The following NDST4 variants were observed in gnomAD, a reference collection of about 807,000 sequenced individuals.
The protein encoded by NDST4 is N-deacetylase and N-sulfotransferase 4, also known as N-heparan sulfate sulfotransferase 4.
Under a neutral mutation model 100.8 loss-of-function variants are expected in NDST4, and 63 were observed. The ratio of observed to expected loss-of-function variants is 0.62; its 90% CI spans 0.51 to 0.77. The LOEUF is 0.77. Ranked by LOEUF, NDST4 falls within the 30% of genes least tolerant of loss-of-function variation. NDST4 has a pLI of 0.00. For synonymous variants in NDST4, 377 were observed against 361.8 expected, an observed-to-expected ratio of 1.04 and a Z score of -0.48; for missense variants, 943 against 1,018.4, an observed-to-expected ratio of 0.93 and a Z score of 1.01.
intron 2 of NDST4, among the ~76,000 whole-genome samples, chr4:115,058,503 G>C (rs539043993): frequency 6.6e-6 from 1 of 152,240 alleles, no homozygotes; most frequent in East Asian, 1.9e-4. Flanking sequence ...TCCATGTGCT[G>C]TTTTCCAATA....
chr4:114,870,682 G>T, intron 7 of NDST4, 86 bp downstream of exon 7: 1 of 1,148,250 alleles, frequency 8.7e-7, no homozygotes, highest in Non-Finnish European at 1.2e-6. Flanking sequence ...GTTTTAATAT[G>T]TCCAGCAGAG....
intron 4 of NDST4, among the ~76,000 whole-genome samples, chr4:114,950,012 A>G (rs1725954792): frequency 6.6e-6 from 1 of 152,070 alleles, no homozygotes. Flanking sequence ...TAGGAGAGCA[A>G]TAAATTATGA....
chr4:114,859,789 G>A (rs1723878847), intron 7 of NDST4, among the ~76,000 whole-genome samples: 1 of 152,204 alleles, frequency 6.6e-6, no homozygotes, highest in Non-Finnish European at 1.5e-5. Context: ...GGTAAGGCTA[G>A]GCTTTACCAG....
chr4:114,929,113 C>CATCTATCTATCTATCTATCTATCTATCT (rs70964332), intron 6 of NDST4, among the ~76,000 whole-genome samples: 3 of 117,392 alleles, frequency 2.6e-5, no homozygotes, highest in Admixed American at 8.7e-5. Context: ...TCCATCCATC[C>CATCTATCTATCTATCTATCTATCTATCT]ATCTATCTAT....
In NDST4 at chr4:114,829,878, T is replaced by A. The variant is rs987022085; in HGVS notation, c.2411A>T (p.Lys804Met). ...TTCCAGTAATTGACACCAAAAACCC[T>A]TTTGGGGATCAAACCTACAGTACAT... ...YSEALTFDPQ[K>M]GFWCQLLEGG... The change falls in exon 13 of 14, where the codon AAG (lysine) becomes ATG (methionine). Residue 804 changes from lysine to methionine, a missense_variant. Around this residue, in one of 2 missense-constraint regions of NDST4, gnomAD observed 526 missense variants for 634.1 expected, o/e 0.83. Coordinates refer to ENST00000264363, the MANE Select transcript of NDST4 (RefSeq NM_022569.3). 6.2e-7 allele frequency: 1 copy of A among 1,609,812 alleles called. No homozygotes were observed. The highest frequency in any genetic ancestry group is 8.5e-7 in the Non-Finnish European group (1 of 1,178,868).
chr4:115,048,016 T>G lies in NDST4; in HGVS notation c.978+28043A>C, dbSNP rs111690280. The stretch of plus-strand genomic sequence containing the variant: ...TATTTGATAAGTATGGAAAAGCTAT[T>G]TTGTATTCTTTCCTGAAACTTACTA... On this transcript the variant is annotated intron_variant, in intron 2 of 13. Transcript: ENST00000264363. 9.3e-3 allele frequency among the ~76,000 whole-genome samples: 1,409 copies of G among 152,240 alleles called. 31 individuals are homozygous for G. The highest frequency in any genetic ancestry group is 0.032 in the African/African-American group (1,324 of 41,544).
chr4:115,074,365 A>G (rs1011689560), intron 2 of NDST4, among the ~76,000 whole-genome samples: 2 of 152,050 alleles, frequency 1.3e-5, no homozygotes, highest in Non-Finnish European at 2.9e-5. Flanking sequence ...GCCTGAAACT[A>G]GGAAATGCTA....
intron 1 of NDST4, among the ~76,000 whole-genome samples, chr4:115,092,634 G>T (rs917477566): frequency 1.3e-5 from 2 of 152,064 alleles, no homozygotes; most frequent in Non-Finnish European, 2.9e-5. Context: ...TTCTGCAAAG[G>T]TCATAGTATC....
In NDST4 at chr4:114,833,680, G is replaced by C; in HGVS notation, c.2322C>G (p.Asp774Glu). 6.2e-7 allele frequency: 1 copy of C among 1,612,436 alleles called. No individual in the cohort carries two copies. The highest frequency in any genetic ancestry group is 8.5e-7 in the Non-Finnish European group (1 of 1,179,364). The change falls in exon 12 of 14, where the codon GAC becomes GAG. Residue 774 changes from aspartate to glutamate, a missense_variant. By Grantham distance (45) the Asp-to-Glu change is conservative. Coordinates refer to ENST00000264363, the MANE Select transcript of NDST4 (RefSeq NM_022569.3). ...LIIDGQQLRSDPATVMDEVQK... is the reference protein window; with the variant it reads ...LIIDGQQLRSEPATVMDEVQK... ...GGACTTCATCCATCACAGTAGCTGG[G>C]TCAGATCTCAGCTGCTGTCCATCAA...
At chr4:114,853,821 T>A (rs1008482755) in intron 7 of NDST4, among the ~76,000 whole-genome samples, 6 of 152,306 alleles carry the variant, frequency 3.9e-5, no homozygotes, top group African/African-American at 1.4e-4. Flanking sequence ...TTTAATTTTT[T>A]AATTTTTAAT....
chr4:115,009,968 A>T (rs547848972), intron 2 of NDST4, among the ~76,000 whole-genome samples: 1 of 102,498 alleles, frequency 9.8e-6, no homozygotes, highest in East Asian at 3.0e-4. Flanking sequence ...GAGAAATGCA[A>T]ATCAAAACCA....
intron 6 of NDST4, among the ~76,000 whole-genome samples, chr4:114,899,286 T>G (rs149001563): frequency 6.6e-6 from 1 of 152,170 alleles, no homozygotes; most frequent in Non-Finnish European, 1.5e-5. Context: ...CAAGGCATTC[T>G]CCTGCCTCAG....
chr4:115,074,326 A>G (rs1729136790), intron 2 of NDST4, among the ~76,000 whole-genome samples: 1 of 152,044 alleles, frequency 6.6e-6, no homozygotes, highest in Non-Finnish European at 1.5e-5. Context: ...TAGACATATA[A>G]AGAACTTTTT....
At chr4:114,933,432 C>CTTTTTTTTTTTTTTTTTTCCT (rs1553955185) in intron 6 of NDST4, among the ~76,000 whole-genome samples, 22 of 89,234 alleles carry the variant, frequency 2.5e-4, no homozygotes, top group East Asian at 1.8e-3. Flanking sequence ...TTTTCTTTTC[C>CTTTTTTTTTTTTTTTTTTCCT]TTTTTTTTTT....
chr4:114,905,906 C>T (rs1016043553), intron 6 of NDST4, among the ~76,000 whole-genome samples: 13 of 151,862 alleles, frequency 8.6e-5, no homozygotes, highest in South Asian at 6.2e-4. Flanking sequence ...TGCTCAACAG[C>T]CCTCTCTTTG....
intron 6 of NDST4, among the ~76,000 whole-genome samples, chr4:114,919,900 T>C (rs1725253440): frequency 6.6e-6 from 1 of 152,170 alleles, no homozygotes; most frequent in Admixed American, 6.5e-5. Context: ...TACTTACTGA[T>C]GAATTTATTC....
At chr4:114,856,464 C>A (rs553411641) in intron 7 of NDST4, among the ~76,000 whole-genome samples, 45 of 152,102 alleles carry the variant, frequency 3.0e-4, no homozygotes, top group Non-Finnish European at 5.9e-4. Context: ...TTTTCTTTGA[C>A]AAATACTTTT....
chr4:114,901,946 T>C (rs1439936658), intron 6 of NDST4, among the ~76,000 whole-genome samples: 1 of 152,012 alleles, frequency 6.6e-6, no homozygotes. Context: ...GCAAATATCT[T>C]TTAAGAAAAG....
intron 9 of NDST4, among the ~76,000 whole-genome samples, chr4:114,847,194 G>A (rs1158171511): frequency 7.5e-6 from 1 of 133,264 alleles, no homozygotes; most frequent in African/African-American, 3.8e-5. Flanking sequence ...GGCTAAAACG[G>A]TGAAACCCCG....
Sources: gnomAD v4.1 joint callset for allele counts (sites outside exome capture counted in the v4.1 genomes callset) on GRCh38, gnomAD v4.1.1 for gene constraint, gnomAD v4.1.1 regional missense constraint, MANE v1.5 for transcripts, NCBI Gene and HGNC (gene_info 2026-07-23, HGNC 2026-07-21) for gene names.